MDN1: variants seen among roughly 807,000 people sequenced by gnomAD.
MDN1 encodes midasin.
Under a neutral mutation model 669.2 loss-of-function variants are expected in MDN1, and 266 were observed. The ratio of observed to expected loss-of-function variants is 0.40; its 90% CI spans 0.36 to 0.44. The LOEUF (loss-of-function observed/expected upper bound fraction) is 0.44. Among genes scored for constraint, MDN1 ranks in the 20% least tolerant of loss-of-function variants. The pLI, the probability that MDN1 is intolerant of heterozygous loss-of-function variation, is 1.00. For missense variants in MDN1, 5,940 were observed against 6,754.0 expected (o/e 0.88, Z 4.22); for synonymous variants, 2,385 against 2,457.1 (o/e 0.97, Z 0.87).
chr6:89,669,845 T>A (rs1810514017), intron 83 of MDN1, among the ~76,000 whole-genome samples: 1 of 151,826 alleles, frequency 6.6e-6, no homozygotes, highest in Non-Finnish European at 1.5e-5. Flanking sequence ...GTCTACAATC[T>A]CTACAACCTC....
intron 3 of MDN1, 105 bp from the exon 4 acceptor site, chr6:89,794,312 T>C (rs1819453233): frequency 2.9e-6 from 2 of 700,246 alleles, no homozygotes; most frequent in African/African-American, 1.8e-5. Context: ...ATCTCAATTA[T>C]TACAACACAT....
intron 85 of MDN1, among the ~76,000 whole-genome samples, chr6:89,664,258 G>A (rs889406707): frequency 2.6e-5 from 4 of 151,958 alleles, no homozygotes; most frequent in East Asian, 1.9e-4. Context: ...TCTAGCACAC[G>A]AGGCAGCTAA....
rs750933773 is a variant in MDN1 at position 89,661,415 on chromosome 6, T to A, written c.14713+16A>T. 6.2e-7 allele frequency: 1 copy of A among 1,608,542 alleles called. No homozygotes were observed. The highest frequency in any genetic ancestry group is 2.2e-5 in the East Asian group (1 of 44,778). ...ATGTGAGTTCTAACCGGTCTCTTTG[T>A]TTCTGAAAGACGCACCTTCTCCTTC... On this transcript the variant is annotated intron_variant, in intron 88 of 101. Transcript: ENST00000369393.
At chr6:89,772,293 A>C (rs373531518) in intron 14 of MDN1, among the ~76,000 whole-genome samples, 8 of 152,326 alleles carry the variant, frequency 5.3e-5, no homozygotes, top group Admixed American at 3.3e-4. Context: ...AATAAAAATA[A>C]AAAGAAGAAA....
intron 34 of MDN1, 110 bp downstream of exon 34, chr6:89,732,447 G>C: frequency 1.1e-6 from 1 of 895,254 alleles, no homozygotes; most frequent in Non-Finnish European, 1.7e-6. Flanking sequence ...TTTTAGAAAT[G>C]TTCTGAGAAG....
chr6:89,677,402 T>A (rs1322021084), intron 76 of MDN1, among the ~76,000 whole-genome samples, 168 bp downstream of exon 76: 3 of 152,158 alleles, frequency 2.0e-5, no homozygotes, highest in South Asian at 4.2e-4. Context: ...CCTCACACTT[T>A]CATTTGAATG....
intron 55 of MDN1, 100 bp downstream of exon 55, chr6:89,701,458 G>A (rs1813154283): frequency 1.4e-6 from 2 of 1,437,000 alleles, no homozygotes; most frequent in South Asian, 2.7e-5. Context: ...ATGCTTTCAA[G>A]ACAAGGATTA....
chr6:89,723,603 AG>A lies in MDN1; in HGVS notation c.5686del (p.Thr1897GlnfsTer2). 1 of 1,577,356 alleles carries A rather than the reference AG, an allele frequency of 6.3e-7. No homozygotes were observed. The highest frequency in any genetic ancestry group is 8.6e-7 in the Non-Finnish European group (1 of 1,160,852). On this transcript the variant is annotated frameshift_variant, in exon 39 of 102. Transcript: ENST00000369393. LOFTEE classifies it high-confidence loss of function. ...NRFTQVFVDP[L>X]TVIDMEFIAS... ...AATGAACTCCATGTCAATTACTGTA[AG>A]GGGATCAACGAAGACCTAGAAATCC...
At chr6:89,815,545 C>A (rs183483325) in intron 1 of MDN1, 26 of 249,682 alleles carry the variant, frequency 1.0e-4, no homozygotes, top group Admixed American at 5.8e-4. Context: ...GAGCCCAGAG[C>A]CCCCCTGCTC....
chr6:89,760,717 T>C (rs1218191252), intron 17 of MDN1, among the ~76,000 whole-genome samples: 1 of 152,096 alleles, frequency 6.6e-6, no homozygotes. Flanking sequence ...CCAGAGAATA[T>C]TATGCTAAGT....
Position 89,665,750 on chromosome 6 carries a change from AAAGT to A in MDN1, c.14095-1126_14095-1123del, listed in dbSNP as rs566238292. Among the ~76,000 whole-genome samples, 185 of 146,498 alleles carry A rather than the reference AAAGT, an allele frequency of 1.3e-3. 2 individuals carry two copies. Among genetic ancestry groups the A allele is most frequent in the African/African-American group, 4.6e-3 (181 of 39,370 alleles). On this transcript the variant is annotated intron_variant, in intron 84 of 101. Coordinates refer to ENST00000369393, the MANE Select transcript of MDN1 (RefSeq NM_014611.3). ...AAAAAGAAGTCCTTTTTAAAATACA[AAAGT>A]AATAGCCAGGCATGGTGGTTCACGC...
rs1271861574 is a variant in MDN1 at position 89,749,690 on chromosome 6, G to T, written c.3468C>A (p.Ala1156=). The T allele has an allele frequency of 1.9e-6, 3 of 1,613,694 alleles. No homozygotes were observed. Among genetic ancestry groups the T allele is most frequent in the Admixed American group, 1.7e-5 (1 of 59,978 alleles). The change falls in exon 25 of 102, where the codon GCC becomes GCA. Residue 1156 remains alanine, a synonymous_variant. Coordinates refer to ENST00000369393, the MANE Select transcript of MDN1 (RefSeq NM_014611.3). ...TCAGCGCCTCTAACACATCAGTAGG[G>T]GCCAAATTTAATTCATCTAAAATAA... ...YWIILDELNL[A]PTDVLEALNR... is the part of the protein sequence containing the mutation.
chr6:89,715,045 C>T (rs551560922), intron 45 of MDN1, among the ~76,000 whole-genome samples: 2 of 152,164 alleles, frequency 1.3e-5, no homozygotes, highest in Admixed American at 6.5e-5. Flanking sequence ...TCTAACTCAC[C>T]TACAGACAGC....
chr6:89,740,905 A>G (rs1277257214), intron 31 of MDN1, among the ~76,000 whole-genome samples: 2 of 152,228 alleles, frequency 1.3e-5, no homozygotes, highest in African/African-American at 4.8e-5. Context: ...TAATGCACAC[A>G]AAGGATTCTA....
Position 89,690,707 on chromosome 6 carries a change from C to T in MDN1, c.10715G>A (p.Arg3572Gln), listed in dbSNP as rs372206396. The change falls in exon 64 of 102, where the codon CGG becomes CAG. Residue 3572 changes from arginine to glutamine, a missense_variant. Arg to Gln is a conservative substitution (Grantham distance 43). Transcript: ENST00000369393. ...TALSEEEEEE[R>Q]EFRKQFPLHE... Reference sequence around the variant, plus strand: ...CAGGGGGAACTGTTTTCTGAACTCCCGTTCTTCCTCCTCCTCTTCACTCAG... The same window carrying T: ...CAGGGGGAACTGTTTTCTGAACTCCTGTTCTTCCTCCTCCTCTTCACTCAG... 1.2e-5 allele frequency: 20 copies of T among 1,613,992 alleles called. No individual in the cohort carries two copies. The highest frequency in any genetic ancestry group is 8.9e-5 in the East Asian group (4 of 44,880).
At chr6:89,765,948 A>G (rs1817783578) in intron 15 of MDN1, among the ~76,000 whole-genome samples, 1 of 152,208 alleles carries the variant, frequency 6.6e-6, no homozygotes, top group South Asian at 2.1e-4. Context: ...TGATCTATTG[A>G]ATTTATGAAA....
intron 26 of MDN1, among the ~76,000 whole-genome samples, chr6:89,747,870 G>A (rs773138741): frequency 3.5e-4 from 40 of 113,410 alleles, no homozygotes; most frequent in Non-Finnish European, 5.6e-4. Context: ...CAGCCTGGGC[G>A]ACAAAGCGAG....
At chr6:89,801,435 G>A (rs1364875201) in intron 2 of MDN1, among the ~76,000 whole-genome samples, 8 of 152,168 alleles carry the variant, frequency 5.3e-5, no homozygotes, top group African/African-American at 1.2e-4. Context: ...GGCAGATCAC[G>A]AGGTCAGGAG....
chr6:89,733,823 A>C (rs1284299454), intron 33 of MDN1, among the ~76,000 whole-genome samples: 1 of 152,160 alleles, frequency 6.6e-6, no homozygotes, highest in Non-Finnish European at 1.5e-5. Flanking sequence ...CCATTAATAG[A>C]AATTAAATTT....
Sources: allele counts gnomAD v4.1 joint callset (sites outside exome capture counted in the v4.1 genomes callset), GRCh38; gene constraint gnomAD v4.1.1; transcripts MANE v1.5; gene names NCBI Gene and HGNC (gene_info 2026-07-23, HGNC 2026-07-21).